The following CCSER1 variants were observed in gnomAD, a reference collection of about 807,000 sequenced individuals.
The protein encoded by CCSER1 is serine-rich coiled-coil domain-containing protein 1.
CCSER1 carries 41 observed loss-of-function variants against 82.0 expected under a neutral mutation model. The observed-to-expected ratio is 0.50, with a 90% confidence interval of 0.39 to 0.65. The LOEUF (loss-of-function observed/expected upper bound fraction) is 0.65, where lower values mean the gene tolerates loss of function less well. CCSER1 is among the 30% of genes least tolerant of loss of function. The pLI, the probability that CCSER1 is intolerant of heterozygous loss-of-function variation, is 0.00. For missense variants in CCSER1, 1,119 were observed against 1,064.2 expected (o/e 1.05, Z -0.72); for synonymous variants, 414 against 383.9 (o/e 1.08, Z -0.92).
At chr4:90,722,441 A>G (rs1390183007) in intron 6 of CCSER1, among the ~76,000 whole-genome samples, 2 of 151,840 alleles carry the variant, frequency 1.3e-5, no homozygotes, top group South Asian at 2.1e-4. Context: ...AGTTAGCAAT[A>G]CCAGCCTTGT....
intron 6 of CCSER1, among the ~76,000 whole-genome samples, chr4:90,698,628 A>G (rs1157081336): frequency 1.3e-5 from 2 of 152,164 alleles, no homozygotes; most frequent in Non-Finnish European, 2.9e-5. Flanking sequence ...TAAACTACCA[A>G]TGTAATGTAT....
chr4:91,537,996 T>C (rs1280291751), intron 10 of CCSER1, among the ~76,000 whole-genome samples: 4 of 152,068 alleles, frequency 2.6e-5, no homozygotes, highest in Non-Finnish European at 2.9e-5. Flanking sequence ...TTAGGATGAA[T>C]TGGTTATATT....
chr4:91,182,211 A>C, intron 10 of CCSER1, among the ~76,000 whole-genome samples: 1 of 152,328 alleles, frequency 6.6e-6, no homozygotes, highest in African/African-American at 2.4e-5. Flanking sequence ...TCTCTTCCTC[A>C]GCATCTGGCT....
At chr4:91,425,413 T>C (rs1420617762) in intron 10 of CCSER1, among the ~76,000 whole-genome samples, 50 of 152,280 alleles carry the variant, frequency 3.3e-4, no homozygotes, top group Non-Finnish European at 4.4e-5. Context: ...CACGTTCTTA[T>C]GAATTACATG....
At chr4:90,698,205 A>T (rs959452598) in intron 6 of CCSER1, among the ~76,000 whole-genome samples, 1 of 152,188 alleles carries the variant, frequency 6.6e-6, no homozygotes, top group Non-Finnish European at 1.5e-5. Flanking sequence ...AGTAGGGGTG[A>T]TAAGAATTAA....
At chr4:91,250,354 G>A (rs1442026919) in intron 10 of CCSER1, among the ~76,000 whole-genome samples, 1 of 152,064 alleles carries the variant, frequency 6.6e-6, no homozygotes, top group Non-Finnish European at 1.5e-5. Context: ...GTATGTGTGT[G>A]TATATGTATG....
intron 10 of CCSER1, among the ~76,000 whole-genome samples, chr4:91,464,614 A>C (rs994342533): frequency 1.4e-4 from 22 of 152,174 alleles, no homozygotes; most frequent in African/African-American, 5.3e-4. Context: ...AATCCATCTC[A>C]CATGCAGAGA....
At chr4:90,141,861 T>G (rs1724855556) in intron 1 of CCSER1, among the ~76,000 whole-genome samples, 1 of 152,248 alleles carries the variant, frequency 6.6e-6, no homozygotes, top group Non-Finnish European at 1.5e-5. Context: ...GCTTGCCCAC[T>G]GCAGGTCAAC....
chr4:90,517,457 G>A (rs1464798411), intron 5 of CCSER1, among the ~76,000 whole-genome samples: 1 of 152,190 alleles, frequency 6.6e-6, no homozygotes, highest in African/African-American at 2.4e-5. Context: ...AAGTAGATAG[G>A]TGTTGGTGCC....
chr4:90,547,655 C>T (rs1192709524), intron 5 of CCSER1, among the ~76,000 whole-genome samples: 1 of 152,062 alleles, frequency 6.6e-6, no homozygotes, highest in African/African-American at 2.4e-5. Context: ...CAGAAAATAA[C>T]ATTCTAAGGA....
chr4:90,866,969 T>A (rs1424506528), intron 8 of CCSER1, among the ~76,000 whole-genome samples: 1 of 152,066 alleles, frequency 6.6e-6, no homozygotes, highest in East Asian at 1.9e-4. Context: ...CCTTGCCAAC[T>A]GCTCACCTCC....
chr4:90,801,455 G>C (rs1470367601), intron 7 of CCSER1, among the ~76,000 whole-genome samples: 1 of 151,918 alleles, frequency 6.6e-6, no homozygotes, highest in Non-Finnish European at 1.5e-5. Flanking sequence ...GATTTATATC[G>C]GTAAGAATTT....
rs193298766 is a variant in CCSER1 at position 90,156,618 on chromosome 4, C to T, written c.-42+28787C>T. ...CTTCTTGTTGAATTGATCCCTTTAC[C>T]ATTATGTAATGGCCTTCTTTATCTC... On this transcript the variant is annotated intron_variant, in intron 1 of 10. Transcript: ENST00000509176. 2.6e-5 allele frequency among the ~76,000 whole-genome samples: 4 copies of T among 152,208 alleles called. No individual in the cohort carries two copies. In the East Asian group the frequency reaches 7.7e-4, roughly 29 times the overall value.
chr4:91,259,776 T>A (rs1740969947), intron 10 of CCSER1, among the ~76,000 whole-genome samples: 1 of 152,204 alleles, frequency 6.6e-6, no homozygotes, highest in African/African-American at 2.4e-5. Flanking sequence ...TTAACTCATC[T>A]TTTTTATGGC....
chr4:90,262,252 T>G (rs1342142884), intron 1 of CCSER1, among the ~76,000 whole-genome samples: 1 of 152,172 alleles, frequency 6.6e-6, no homozygotes, highest in Non-Finnish European at 1.5e-5. Flanking sequence ...TCTTTTAAAT[T>G]TCTTTTTATC....
intron 10 of CCSER1, among the ~76,000 whole-genome samples, chr4:91,266,704 G>A (rs1216592191): frequency 6.6e-6 from 1 of 152,078 alleles, no homozygotes; most frequent in Non-Finnish European, 1.5e-5. Flanking sequence ...AAAATGAAAT[G>A]CTTAACATAT....
At chr4:91,319,593 C>G in intron 10 of CCSER1, 1 of 449,250 alleles carries the variant, frequency 2.2e-6, no homozygotes, top group Non-Finnish European at 4.5e-6. Flanking sequence ...CACAAAGAAG[C>G]AATAGTTGGT....
chr4:90,250,500 C>A (rs1722202456), intron 1 of CCSER1, among the ~76,000 whole-genome samples: 1 of 152,006 alleles, frequency 6.6e-6, no homozygotes, highest in Non-Finnish European at 1.5e-5. Context: ...TTCCCTCTCA[C>A]CCTTGTTAAA....
intron 1 of CCSER1, among the ~76,000 whole-genome samples, chr4:90,141,020 A>ATGTCTATCTATCTATCTATC: frequency 6.9e-6 from 1 of 145,984 alleles, no homozygotes; most frequent in East Asian, 2.1e-4. Flanking sequence ...ACCCAGCAAG[A>ATGTCTATCTATCTATCTATC]TATCTATCTA....
Sources: allele counts gnomAD v4.1 joint callset (sites outside exome capture counted in the v4.1 genomes callset), GRCh38; gene constraint gnomAD v4.1.1; transcripts MANE v1.5; gene names NCBI Gene and HGNC (gene_info 2026-07-23, HGNC 2026-07-21).